SPTBN5: variants seen among roughly 807,000 people sequenced by gnomAD.
SPTBN5 encodes the protein spectrin beta chain, non-erythrocytic 5.
SPTBN5 carries 513 observed loss-of-function variants against 477.6 expected under a neutral mutation model. The observed-to-expected ratio is 1.07, with a 90% confidence interval of 1.00 to 1.16. The LOEUF is 1.16. Among genes scored for constraint, SPTBN5 ranks in the 50% most tolerant of loss-of-function variants. The pLI is 0.00. For synonymous variants in SPTBN5, 2,169 were observed against 2,011.7 expected, an observed-to-expected ratio of 1.08 and a Z score of -2.09; for missense variants, 5,062 against 4,731.8, an observed-to-expected ratio of 1.07 and a Z score of -2.05.
At position 41,852,092 on chromosome 15, in the gene SPTBN5, G is replaced by T. The variant is rs555245624; in HGVS notation, c.10584+90C>A. On this transcript the variant is annotated intron_variant, in intron 62 of 67. Transcript: ENST00000320955. ...CCGGGCTCCCAGCACTGGCTCCAGGGTGTGGGCCCTCACCCCCACAGCCCC... is the reference window on the plus strand; with the variant it reads ...CCGGGCTCCCAGCACTGGCTCCAGGTTGTGGGCCCTCACCCCCACAGCCCC... 23 of 1,456,694 alleles carry T rather than the reference G, an allele frequency of 1.6e-5. No homozygotes were observed. In the East Asian group the frequency reaches 5.1e-4, roughly 32 times the overall value. 90.2% of individuals were successfully genotyped at this position (1,456,694 alleles called of 1,614,324 possible).
In SPTBN5 at chr15:41,877,364, G is replaced by C. The variant is rs1220170523; in HGVS notation, c.3471-8C>G. 2 of 1,602,744 alleles carry C rather than the reference G, an allele frequency of 1.2e-6. No homozygotes were observed. The highest frequency in any genetic ancestry group is 3.4e-5 in the Admixed American group (2 of 58,936). On this transcript the variant is annotated splice_polypyrimidine_tract_variant and splice_region_variant and intron_variant, in intron 17 of 67. Transcript: ENST00000320955. The stretch of plus-strand genomic sequence containing the variant: ...GCGTCCAGCTGCTGCAGCCTGACCA[G>C]GATGACAGGCAGAGAGTCAAACCCC...
At position 41,849,849 on chromosome 15, in the gene SPTBN5, C is replaced by T. The variant is rs1485743723; in HGVS notation, c.11012+20G>A. The T allele has an allele frequency of 6.4e-6, 10 of 1,553,270 alleles. No individual in the cohort carries two copies. The highest frequency in any genetic ancestry group is 7.8e-6 in the Non-Finnish European group (9 of 1,146,790). Reference sequence around the variant, plus strand: ...AAGCCCAGGGCTCCCCGCCCTGCTTCCCCCACCCAGGTGTCCCACCTGAGT... The same window carrying T: ...AAGCCCAGGGCTCCCCGCCCTGCTTTCCCCACCCAGGTGTCCCACCTGAGT... On this transcript the variant is annotated intron_variant, in intron 67 of 67. Coordinates refer to ENST00000320955, the MANE Select transcript of SPTBN5 (RefSeq NM_016642.4).
At position 41,855,400 on chromosome 15, in the gene SPTBN5, C is replaced by T; in HGVS notation, c.9247G>A (p.Val3083Ile). The T allele has an allele frequency of 6.2e-7, 1 of 1,604,038 alleles. No homozygotes were observed. The highest frequency in any genetic ancestry group is 2.2e-5 in the East Asian group (1 of 44,820). The change falls in exon 55 of 68, where the codon GTT becomes ATT. Residue 3083 changes from valine to isoleucine, a missense_variant. Val to Ile is a conservative substitution (Grantham distance 29). Transcript: ENST00000320955. Reference sequence around the variant, plus strand: ...AGCAGCTCTGCGTGGGCCTCCCGAACTGCCTGCAGCTGGGCTAGCACCTTG... The same window carrying T: ...AGCAGCTCTGCGTGGGCCTCCCGAATTGCCTGCAGCTGGGCTAGCACCTTG... ...SPKVLAQLQA[V>I]REAHAELLRR...
Position 41,886,014 on chromosome 15 carries a change from A to G in SPTBN5, c.1241T>C (p.Leu414Pro), listed in dbSNP as rs774123077. The G allele has an allele frequency of 1.9e-6, 3 of 1,554,236 alleles. No individual in the cohort carries two copies. The highest frequency in any genetic ancestry group is 1.7e-6 in the Non-Finnish European group (2 of 1,150,342). ...CTGCAGCTGCAGTAGCCTCTGCTGC[A>G]GGGCCTGGCTCCTTGCAGCCTCTGC... is the stretch of plus-strand genomic sequence containing the variant. ...EWAEAARSQA[L>P]QQRLLQLQRL... The change falls in exon 7 of 68, where the codon CTG becomes CCG. Residue 414 changes from leucine (L) to proline (P), a missense_variant. By Grantham distance (98) the Leu-to-Pro change is moderately conservative (BLOSUM62 -3). Transcript: ENST00000320955.
At position 41,869,902 on chromosome 15, in the gene SPTBN5, C is replaced by A. The variant is rs757182673; in HGVS notation, c.5792G>T (p.Arg1931Leu). 3.2e-6 allele frequency: 5 copies of A among 1,552,278 alleles called. No individual in the cohort carries two copies. The highest frequency in any genetic ancestry group is 2.7e-5 in the African/African-American group (2 of 73,214). Residue 1931 changes from arginine to leucine, a missense_variant, in exon 32 of 68, where the codon CGC becomes CTC. Arg to Leu is a moderately radical substitution (Grantham distance 102). Transcript: ENST00000320955. ...CAGCTGGGCCCTGCGCTGCTCCATG[C>A]GTCGCTGCAGCACTGCCCACGCCTG... ...VTQAWAVLQR[R>L]MEQRRAQLER...
At chr15:41,881,365 G>A in intron 12 of SPTBN5, 131 bp from the exon 13 acceptor site, 1 of 707,498 alleles carries the variant, frequency 1.4e-6, no homozygotes, top group Non-Finnish European at 2.3e-6. Flanking sequence ...TGTGGGACAT[G>A]GGTCTGGGGG....
rs1239207125 is a variant in SPTBN5, at chr15:41,885,764, C to T, written c.1491G>A (p.Gln497=). Reference sequence around the variant, plus strand: ...GGGCCACATCTGCCCAGCTGTGGTACTGCTCCTGCCGGAGGATGTCTGCGA... The same window carrying T: ...GGGCCACATCTGCCCAGCTGTGGTATTGCTCCTGCCGGAGGATGTCTGCGA... The part of the protein sequence containing the change: ...AEIADILRQE[Q]YHSWADVARR... Residue 497 remains glutamine (Q), a synonymous_variant, in exon 7 of 68, where the codon CAG becomes CAA. Coordinates refer to ENST00000320955, the MANE Select transcript of SPTBN5 (RefSeq NM_016642.4). 2 of 1,557,372 alleles carry T rather than the reference C, an allele frequency of 1.3e-6. No homozygotes were observed. The highest frequency in any genetic ancestry group is 1.7e-6 in the Non-Finnish European group (2 of 1,150,718).
chr15:41,861,571 G>T, intron 45 of SPTBN5, 75 bp from the exon 46 acceptor site: 2 of 1,554,304 alleles, frequency 1.3e-6, no homozygotes, highest in South Asian at 1.1e-5. Context: ...TGTTCCAGTG[G>T]CACAGGTTAG....
intron 57 of SPTBN5, 74 bp downstream of exon 57, chr15:41,853,976 G>T: frequency 6.7e-7 from 1 of 1,491,864 alleles, no homozygotes; most frequent in Non-Finnish European, 8.9e-7. Flanking sequence ...GGGTGGGAGG[G>T]CTGAGATAGG....
In SPTBN5 at chr15:41,871,835, T is replaced by C. The variant is rs1385078022; in HGVS notation, c.5248A>G (p.Lys1750Glu). 1 of 1,590,804 alleles carries C rather than the reference T, an allele frequency of 6.3e-7. No individual in the cohort carries two copies. The highest frequency in any genetic ancestry group is 8.6e-7 in the Non-Finnish European group (1 of 1,169,222). ...EDLQGWLASQ[K>E]QAAKGGESLG... ...CTCTCCCCTCCTTTGGCTGCCTGCTTCTGGCTTGCCAGCCAGCCCTGCAGG... is the reference window on the plus strand; with the variant it reads ...CTCTCCCCTCCTTTGGCTGCCTGCTCCTGGCTTGCCAGCCAGCCCTGCAGG... The change falls in exon 28 of 68, where the codon AAG becomes GAG. Residue 1750 changes from lysine (K) to glutamate (E), a missense_variant. Lys to Glu is a moderately conservative substitution (Grantham distance 56). Transcript: ENST00000320955.
intron 17 of SPTBN5, among the ~76,000 whole-genome samples, chr15:41,877,953 C>A (rs1182928404): frequency 6.6e-6 from 1 of 152,196 alleles, no homozygotes; most frequent in Non-Finnish European, 1.5e-5. Flanking sequence ...AGGTGGGGAT[C>A]TCAGACCCGT....
chr15:41,850,795 C>G (rs540552112), intron 66 of SPTBN5, 59 bp downstream of exon 66: 2 of 1,458,650 alleles, frequency 1.4e-6, no homozygotes, highest in African/African-American at 2.8e-5. Context: ...ACTAGGGGCC[C>G]AGGAGCTTGG....
intron 64 of SPTBN5, 40 bp downstream of exon 64, chr15:41,851,243 A>G (rs1411966884): frequency 1.3e-6 from 2 of 1,554,866 alleles, no homozygotes; most frequent in African/African-American, 2.7e-5. Flanking sequence ...CTTGCTTCCC[A>G]GCACCCTGAT....
intron 8 of SPTBN5, 49 bp downstream of exon 8, chr15:41,883,299 G>T: frequency 6.2e-7 from 1 of 1,607,490 alleles, no homozygotes; most frequent in Non-Finnish European, 8.5e-7. Flanking sequence ...CACTGGGGAA[G>T]TCCCCCACCT....
chr15:41,875,324 T>G, intron 22 of SPTBN5, 134 bp downstream of exon 22: 2 of 1,167,676 alleles, frequency 1.7e-6, no homozygotes, highest in Non-Finnish European at 2.3e-6. Flanking sequence ...CACGCTCAGC[T>G]TGTCCTAGGC....
intron 39 of SPTBN5, among the ~76,000 whole-genome samples, chr15:41,864,372 G>A (rs2066226029): frequency 6.6e-6 from 1 of 152,154 alleles, no homozygotes; most frequent in South Asian, 2.1e-4. Context: ...TTGTTGTAGT[G>A]GCACAATCTC....
intron 32 of SPTBN5, among the ~76,000 whole-genome samples, chr15:41,869,506 A>G (rs2066457786): frequency 6.6e-6 from 1 of 152,222 alleles, no homozygotes; most frequent in African/African-American, 2.4e-5. Context: ...CAGACATTAA[A>G]TAGATACTGA....
At chr15:41,857,950 G>C (rs553707934) in intron 49 of SPTBN5, among the ~76,000 whole-genome samples, 25 of 152,338 alleles carry the variant, frequency 1.6e-4, no homozygotes, top group African/African-American at 5.8e-4. Context: ...TTATATCAGA[G>C]GGAGCCAGCC....
At chr15:41,874,782 G>T in intron 23 of SPTBN5, 60 bp downstream of exon 23, 1 of 1,526,454 alleles carries the variant, frequency 6.6e-7, no homozygotes, top group Non-Finnish European at 8.9e-7. Flanking sequence ...GTGCCATCTT[G>T]TGGGACCTTA....
Sources: allele counts gnomAD v4.1 joint callset (sites outside exome capture counted in the v4.1 genomes callset), GRCh38; gene constraint gnomAD v4.1.1; transcripts MANE v1.5; gene names NCBI Gene and HGNC (gene_info 2026-07-23, HGNC 2026-07-21).